Variants in PRKD3 observed in about 807,000 individuals in gnomAD.
PRKD3 encodes serine/threonine-protein kinase D3.
A neutral mutation model predicts 99.2 loss-of-function variants in PRKD3; 47 were observed. The ratio of observed to expected loss-of-function variants is 0.47; its 90% confidence interval spans 0.38 to 0.60. PRKD3 has a LOEUF of 0.60. Among genes scored for constraint, PRKD3 ranks in the 20% least tolerant of loss-of-function variants. PRKD3 has a pLI of 0.00. For synonymous variants in PRKD3, 392 were observed against 355.4 expected, an observed-to-expected ratio of 1.10 and a Z score of -1.16; for missense variants, 1,019 against 1,088.4, an observed-to-expected ratio of 0.94 and a Z score of 0.90.
chr2:37,272,500 G>C, intron 11 of PRKD3, 68 bp from the exon 12 acceptor site: 2 of 1,516,694 alleles, frequency 1.3e-6, no homozygotes, highest in Non-Finnish European at 1.8e-6. Context: ...ACATGTGAAT[G>C]CTCATGGTAT....
intron 2 of PRKD3, among the ~76,000 whole-genome samples, chr2:37,295,158 G>C (rs1191544148): frequency 6.6e-6 from 1 of 152,018 alleles, no homozygotes; most frequent in Admixed American, 6.6e-5. Context: ...TTGCATGTCC[G>C]GTAAGTGCAA....
At chr2:37,269,172 C>A in intron 13 of PRKD3, 1 of 191,882 alleles carries the variant, frequency 5.2e-6, no homozygotes, top group Non-Finnish European at 1.1e-5. Flanking sequence ...ATGACTTCAT[C>A]AATATCCTAA....
chr2:37,316,415 G>A lies in PRKD3; in HGVS notation c.110C>T (p.Ser37Phe). 6.2e-7 allele frequency: 1 copy of A among 1,614,238 alleles called. No homozygotes were observed. The highest frequency in any genetic ancestry group is 8.5e-7 in the Non-Finnish European group (1 of 1,180,042). Reference protein sequence around the residue: ...SPCSSPKTGLSARLSNGSFSA... With the variant: ...SPCSSPKTGLFARLSNGSFSA... ...GAAGCTTCCATTAGAGAGTCGGGCA[G>A]AGAGTCCCGTCTTAGGACTTGAACA... Residue 37 changes from serine to phenylalanine, a missense_variant, in exon 2 of 19, where the codon TCT becomes TTT. Transcript: ENST00000234179.
At chr2:37,288,882 C>G (rs1333129012) in intron 5 of PRKD3, among the ~76,000 whole-genome samples, 1 of 151,962 alleles carries the variant, frequency 6.6e-6, no homozygotes, top group African/African-American at 2.4e-5. Flanking sequence ...GGTGAAACCT[C>G]ATCTCTACTA....
At chr2:37,265,684 G>C (rs1668790482) in intron 14 of PRKD3, among the ~76,000 whole-genome samples, 1 of 152,098 alleles carries the variant, frequency 6.6e-6, no homozygotes, top group South Asian at 2.1e-4. Flanking sequence ...ATAAATATCT[G>C]ACATAAACAA....
rs17020397 is a variant in PRKD3, at chr2:37,266,255, A to G, written c.1884+1175T>C. Among the ~76,000 whole-genome samples, 853 of 152,322 alleles carry G rather than the reference A, an allele frequency of 5.6e-3. 6 individuals carry two copies. Among genetic ancestry groups the G allele is most frequent in the African/African-American group, 0.02 (820 of 41,570 alleles). ...TCATTTAAGTTTCTTACCTTCTTCA[A>G]GGAAACTCAAGTTCAGAAGGAGGCT... On this transcript the variant is annotated intron_variant, in intron 14 of 18. Coordinates refer to ENST00000234179, the MANE Select transcript of PRKD3 (RefSeq NM_005813.6).
At chr2:37,296,301 T>C (rs1670671122) in intron 2 of PRKD3, among the ~76,000 whole-genome samples, 1 of 152,020 alleles carries the variant, frequency 6.6e-6, no homozygotes, top group Non-Finnish European at 1.5e-5. Flanking sequence ...AATAAACACA[T>C]GGCCTAATGA....
intron 14 of PRKD3, among the ~76,000 whole-genome samples, chr2:37,264,575 AATG>A (rs1209076354): frequency 6.6e-6 from 1 of 152,138 alleles, no homozygotes; most frequent in Non-Finnish European, 1.5e-5. Context: ...TCATTGAGGA[AATG>A]ATATTTGGGC....
chr2:37,263,294 A>G (rs754742905), intron 14 of PRKD3, among the ~76,000 whole-genome samples: 1 of 152,138 alleles, frequency 6.6e-6, no homozygotes, highest in Non-Finnish European at 1.5e-5. Flanking sequence ...TAAAGTTTTC[A>G]TGTAGGAGCT....
In PRKD3 at chr2:37,258,009, TTGC is replaced by T. The variant is rs552846285; in HGVS notation, c.2146-1083_2146-1081del. ...CTTGGCAGAACTCAGAACACTTATC[TTGC>T]TGCCCAGATTTTTCTAGAGGCTCAA... On this transcript the variant is annotated intron_variant, in intron 16 of 18. Coordinates refer to ENST00000234179, the MANE Select transcript of PRKD3 (RefSeq NM_005813.6). 1.8e-4 allele frequency among the ~76,000 whole-genome samples: 28 copies of T among 152,322 alleles called. No homozygotes were observed. In the South Asian group the frequency reaches 5.4e-3, roughly 29 times the overall value.
intron 2 of PRKD3, among the ~76,000 whole-genome samples, chr2:37,314,784 TAAAA>T (rs1030110510): frequency 1.3e-5 from 2 of 151,966 alleles, no homozygotes; most frequent in Non-Finnish European, 2.9e-5. Context: ...AAAAATTAAA[TAAAA>T]AAATTACAAT....
intron 1 of PRKD3, among the ~76,000 whole-genome samples, chr2:37,323,619 G>C (rs1447793407): frequency 6.6e-6 from 1 of 152,046 alleles, no homozygotes; most frequent in African/African-American, 2.4e-5. Flanking sequence ...CTGCAGCAAA[G>C]CTAAGGAAAA....
chr2:37,306,829 C>T (rs1195563581), intron 2 of PRKD3, among the ~76,000 whole-genome samples: 1 of 151,904 alleles, frequency 6.6e-6, no homozygotes, highest in African/African-American at 2.4e-5. Flanking sequence ...AACAAAAATG[C>T]CCAGGCAAAA....
Position 37,251,679 on chromosome 2 carries a change from G to GTTTA in PRKD3, c.*1494_*1497dup, listed in dbSNP as rs1230454159. 4 of 151,552 alleles carry GTTTA rather than the reference G, an allele frequency of 2.6e-5. No individual in the cohort carries two copies. In the East Asian group the frequency reaches 7.7e-4, roughly 29 times the overall value. 9.4% of individuals were successfully genotyped at this position (151,552 alleles called of 1,614,324 possible). ...ATAGTTAACACTTTCCTAGTTTTTA[G>GTTTA]TTTATTTGACTGCATTCATACATAT... On this transcript the variant is annotated 3_prime_UTR_variant, in exon 19 of 19. Transcript: ENST00000234179.
intron 17 of PRKD3, 137 bp downstream of exon 17, chr2:37,256,525 T>C (rs1667953413): frequency 3.4e-6 from 4 of 1,170,278 alleles, no homozygotes; most frequent in Non-Finnish European, 4.6e-6. Flanking sequence ...TGGTAACTAG[T>C]TGAATTTGGA....
At chr2:37,277,737 T>G (rs748126020) in intron 9 of PRKD3, 129 bp downstream of exon 9, 1 of 948,406 alleles carries the variant, frequency 1.1e-6, no homozygotes, top group Non-Finnish European at 1.5e-6. Flanking sequence ...CCAGTGCATC[T>G]TTTACAAATT....
intron 2 of PRKD3, among the ~76,000 whole-genome samples, chr2:37,293,815 C>T (rs185569465): frequency 6.6e-6 from 1 of 152,306 alleles, no homozygotes; most frequent in African/African-American, 2.4e-5. Flanking sequence ...CTGCTGATAT[C>T]GTTTACCTAT....
chr2:37,313,085 A>T (rs1407610114), intron 2 of PRKD3, among the ~76,000 whole-genome samples: 1 of 152,252 alleles, frequency 6.6e-6, no homozygotes, highest in African/African-American at 2.4e-5. Flanking sequence ...GATCAGATGC[A>T]TATTATATAA....
intron 18 of PRKD3, among the ~76,000 whole-genome samples, chr2:37,253,567 C>T (rs181483557): frequency 1.6e-4 from 24 of 152,074 alleles, no homozygotes; most frequent in Admixed American, 1.2e-3. Context: ...AATGAATGAA[C>T]GTAACTAATT....
Sources: gnomAD v4.1 joint callset for allele counts (sites outside exome capture counted in the v4.1 genomes callset) on GRCh38, gnomAD v4.1.1 for gene constraint, MANE v1.5 for transcripts, NCBI Gene and HGNC (gene_info 2026-07-23, HGNC 2026-07-21) for gene names.